The following DGKB variants were observed in gnomAD, a reference collection of about 807,000 sequenced individuals.
The protein encoded by DGKB is 90 kDa diacylglycerol kinase.
DGKB carries 67 observed loss-of-function variants against 114.3 expected under a neutral mutation model. That is an observed-to-expected ratio of 0.59 (90% confidence interval 0.48 to 0.72). The LOEUF (loss-of-function observed/expected upper bound fraction) is 0.72. Among genes scored for constraint, DGKB ranks in the 30% least tolerant of loss-of-function variants. The probability of loss-of-function intolerance (pLI) is 0.00; values close to 1 mark genes in which losing one functional copy is unlikely to be tolerated. For synonymous variants in DGKB, 398 were observed against 323.1 expected, an observed-to-expected ratio of 1.23 and a Z score of -2.49; for missense variants, 907 against 975.2, an observed-to-expected ratio of 0.93 and a Z score of 0.93.
At chr7:14,268,055 G>A (rs966990158) in intron 23 of DGKB, among the ~76,000 whole-genome samples, 2 of 152,082 alleles carry the variant, frequency 1.3e-5, no homozygotes, top group African/African-American at 4.8e-5. Context: ...TGCCAGCCAA[G>A]TATTATCCAG....
intron 23 of DGKB, chr7:14,191,882 G>T: frequency 1.9e-6 from 1 of 528,302 alleles, no homozygotes. Flanking sequence ...TTGCCAGTTT[G>T]CTGAGCTGAA....
rs530380561 is a variant in DGKB, at chr7:14,487,536, C to G, written c.1771-9311G>C. 7.3e-5 allele frequency among the ~76,000 whole-genome samples: 11 copies of G among 150,796 alleles called. No homozygotes were observed. In the South Asian group the frequency reaches 2.3e-3, roughly 32 times the overall value. On this transcript the variant is annotated intron_variant, in intron 20 of 25. Coordinates refer to ENST00000402815, the MANE Select transcript of DGKB (RefSeq NM_001350709.2). ...CTAAATATTTAATTATGCCTACTGCCTAGATTTCCATTTTACTCCAAAAAG... is the reference window on the plus strand; with the variant it reads ...CTAAATATTTAATTATGCCTACTGCGTAGATTTCCATTTTACTCCAAAAAG...
At chr7:14,166,819 C>T (rs931996682) in intron 25 of DGKB, among the ~76,000 whole-genome samples, 1 of 152,006 alleles carries the variant, frequency 6.6e-6, no homozygotes, top group South Asian at 2.1e-4. Context: ...AATTGTATAC[C>T]AGGTACAGAT....
intron 17 of DGKB, among the ~76,000 whole-genome samples, chr7:14,592,552 A>AAACAATAT (rs1400861708): frequency 1.3e-5 from 2 of 151,924 alleles, no homozygotes; most frequent in African/African-American, 2.4e-5. Context: ...GTTGTTTTTG[A>AAACAATAT]AACAATATTT....
chr7:14,493,929 C>T (rs12537806), intron 20 of DGKB, among the ~76,000 whole-genome samples: 1 of 121,494 alleles, frequency 8.2e-6, no homozygotes. Flanking sequence ...GTATCATACA[C>T]ACACACACAC....
At chr7:14,837,781 G>A (rs985109849) in intron 2 of DGKB, among the ~76,000 whole-genome samples, 9 of 152,132 alleles carry the variant, frequency 5.9e-5, no homozygotes, top group Admixed American at 2.6e-4. Context: ...TCAGGATGAT[G>A]TTTGTTTCCT....
intron 4 of DGKB, among the ~76,000 whole-genome samples, chr7:14,752,137 G>A (rs1466416508): frequency 6.6e-6 from 1 of 152,050 alleles, no homozygotes; most frequent in Non-Finnish European, 1.5e-5. Context: ...TATTTTCTCT[G>A]TTATACTTTC....
At chr7:14,229,563 C>A (rs767949758) in intron 23 of DGKB, among the ~76,000 whole-genome samples, 3 of 151,814 alleles carry the variant, frequency 2.0e-5, no homozygotes, top group Admixed American at 6.6e-5. Flanking sequence ...TATATGAACA[C>A]GTGTATCTAT....
chr7:14,726,378 G>C (rs964833218), intron 5 of DGKB, among the ~76,000 whole-genome samples: 2 of 152,056 alleles, frequency 1.3e-5, no homozygotes, highest in South Asian at 4.1e-4. Context: ...GACCTCAGGT[G>C]ATCCATGGCC....
intron 4 of DGKB, among the ~76,000 whole-genome samples, chr7:14,751,012 C>T (rs1834047798): frequency 6.6e-6 from 1 of 151,746 alleles, no homozygotes; most frequent in Admixed American, 6.6e-5. Context: ...CCATGTTGGC[C>T]AGGCTGGCAG....
At chr7:14,640,312 A>G (rs950366451) in intron 13 of DGKB, among the ~76,000 whole-genome samples, 1 of 152,218 alleles carries the variant, frequency 6.6e-6, no homozygotes, top group African/African-American at 2.4e-5. Context: ...CTAGAATGAA[A>G]GAAATCTGAA....
chr7:14,184,321 G>T (rs1783077166), intron 23 of DGKB, among the ~76,000 whole-genome samples: 2 of 152,148 alleles, frequency 1.3e-5, no homozygotes, highest in African/African-American at 4.8e-5. Flanking sequence ...GCGCAAATCT[G>T]GTGTGCAAAC....
Position 14,974,129 on chromosome 7 carries a change from A to C in DGKB, c.-188+567T>G, listed in dbSNP as rs115976262. On this transcript the variant is annotated intron_variant, in intron 1 of 4. Coordinates refer to the DGKB transcript ENST00000437998. ...TACAGTTCTTTAAACACCAAATGTCAGAATACTGACACTATACTGTACAAA... is the reference window on the plus strand; with the variant it reads ...TACAGTTCTTTAAACACCAAATGTCCGAATACTGACACTATACTGTACAAA... Among the ~76,000 whole-genome samples the C allele has an allele frequency of 4.9e-3, 745 of 152,116 alleles. 4 individuals are homozygous for C. Among genetic ancestry groups the C allele is most frequent in the African/African-American group, 0.016 (676 of 41,570 alleles).
intron 1 of DGKB, among the ~76,000 whole-genome samples, chr7:14,953,760 A>G (rs1489604640): frequency 6.6e-6 from 1 of 152,144 alleles, no homozygotes; most frequent in Non-Finnish European, 1.5e-5. Flanking sequence ...TCATAGTAAC[A>G]TTATTCATAC....
intron 13 of DGKB, among the ~76,000 whole-genome samples, chr7:14,670,480 G>T (rs10236080): frequency 0.12 from 18,414 of 151,624 alleles, 2,296 homozygotes; most frequent in African/African-American, 0.32. Flanking sequence ...ATTTTTGTAT[G>T]TTTAGTTGAG....
intron 23 of DGKB, among the ~76,000 whole-genome samples, chr7:14,334,565 T>G (rs1160144898): frequency 2.0e-5 from 3 of 151,966 alleles, no homozygotes; most frequent in Non-Finnish European, 4.4e-5. Flanking sequence ...GTTTTTTTAT[T>G]GTCCGCAAAT....
At chr7:14,519,516 T>C (rs1308343371) in intron 20 of DGKB, among the ~76,000 whole-genome samples, 1 of 152,090 alleles carries the variant, frequency 6.6e-6, no homozygotes, top group Non-Finnish European at 1.5e-5. Flanking sequence ...TTTCCCAGTT[T>C]TTGGCTATAA....
intron 9 of DGKB, among the ~76,000 whole-genome samples, chr7:14,689,527 C>A (rs1822443339): frequency 6.6e-6 from 1 of 152,086 alleles, no homozygotes; most frequent in South Asian, 2.1e-4. Flanking sequence ...AAAGAGAATG[C>A]AGAGAAAAGT....
At chr7:14,912,481 A>G (rs1784048392) in intron 1 of DGKB, among the ~76,000 whole-genome samples, 2 of 152,158 alleles carry the variant, frequency 1.3e-5, no homozygotes, top group African/African-American at 2.4e-5. Flanking sequence ...TTTATCTGAT[A>G]GTAATAGGTA....
Sources: allele counts gnomAD v4.1 joint callset (sites outside exome capture counted in the v4.1 genomes callset), GRCh38; gene constraint gnomAD v4.1.1; transcripts MANE v1.5; gene names NCBI Gene and HGNC (gene_info 2026-07-23, HGNC 2026-07-21).